The following SLC35F4 variants were observed in gnomAD, a reference collection of about 807,000 sequenced individuals.
SLC35F4 encodes the protein chromosome 14 open reading frame 36.
In SLC35F4, 24 loss-of-function variants were observed where a neutral mutation model predicts 44.2. That is an observed-to-expected ratio of 0.54 (90% CI 0.39 to 0.76). SLC35F4 has a LOEUF of 0.76. SLC35F4 is among the 30% of genes least tolerant of loss of function. The pLI, the probability that SLC35F4 is intolerant of heterozygous loss-of-function variation, is 0.00. For missense variants in SLC35F4, 562 were observed against 586.1 expected (o/e 0.96, Z 0.42); for synonymous variants, 238 against 223.6 (o/e 1.06, Z -0.57).
At chr14:57,797,610 C>T (rs190528578) in intron 1 of SLC35F4, among the ~76,000 whole-genome samples, 4 of 152,160 alleles carry the variant, frequency 2.6e-5, no homozygotes, top group Admixed American at 1.3e-4. Context: ...ATTCTATGCA[C>T]CTAAAACGTA....
At position 57,566,491 on chromosome 14, in the gene SLC35F4, G is replaced by T; in HGVS notation, c.1200C>A (p.Ser400Arg). The T allele has an allele frequency of 6.3e-7, 1 of 1,595,916 alleles. No homozygotes were observed. The highest frequency in any genetic ancestry group is 8.5e-7 in the Non-Finnish European group (1 of 1,171,288). Residue 400 changes from serine (S) to arginine (R), a missense_variant, in exon 7 of 8, where the codon AGC becomes AGA. By Grantham distance (110) the Ser-to-Arg change is moderately radical. Coordinates refer to ENST00000556826, the MANE Select transcript of SLC35F4 (RefSeq NM_001306087.2). ...TGCCTGTACCTGCATTTCCAGGAAC[G>T]CTGAGCACTGTCCCAATGGAGATTA... ...PILISIGTVL[S>R]VPGNAAVDLL...
At chr14:57,603,316 A>G (rs11620977) in intron 1 of SLC35F4, among the ~76,000 whole-genome samples, 108,289 of 152,070 alleles carry the variant, frequency 0.71, 39,292 homozygotes, top group Middle Eastern at 0.8. Context: ...ATCTCAGCCC[A>G]GTTATCAACT....
intron 1 of SLC35F4, among the ~76,000 whole-genome samples, chr14:57,822,996 T>G (rs2140914953): frequency 6.6e-6 from 1 of 152,280 alleles, no homozygotes; most frequent in Middle Eastern, 3.4e-3. Context: ...CTCGAAATTC[T>G]CTGGGGGAAC....
At chr14:57,738,467 GTTCTTGC>G (rs1461420777) in intron 1 of SLC35F4, among the ~76,000 whole-genome samples, 1 of 151,916 alleles carries the variant, frequency 6.6e-6, no homozygotes, top group Non-Finnish European at 1.5e-5. Flanking sequence ...CTGCACATGG[GTTCTTGC>G]TGACCTCAGG....
intron 1 of SLC35F4, among the ~76,000 whole-genome samples, chr14:57,715,173 A>G (rs2075909624): frequency 6.6e-6 from 1 of 152,176 alleles, no homozygotes; most frequent in Non-Finnish European, 1.5e-5. Context: ...AGGGGGAAAA[A>G]AAAGGCAAAT....
At chr14:57,660,152 C>A (rs2074092720) in intron 1 of SLC35F4, among the ~76,000 whole-genome samples, 1 of 152,140 alleles carries the variant, frequency 6.6e-6, no homozygotes, top group South Asian at 2.1e-4. Flanking sequence ...AAATGAGACT[C>A]CACGAGAGGA....
At chr14:57,865,058 A>ACCCCC (rs71104589) in intron 1 of SLC35F4, among the ~76,000 whole-genome samples, 91 of 125,108 alleles carry the variant, frequency 7.3e-4, no homozygotes, top group Non-Finnish European at 1.2e-3. Context: ...CCCTTCTCAG[A>ACCCCC]CCCCCCCCCC....
intron 1 of SLC35F4, among the ~76,000 whole-genome samples, chr14:57,804,514 T>C (rs1881058807): frequency 6.6e-6 from 1 of 152,030 alleles, no homozygotes; most frequent in African/African-American, 2.4e-5. Context: ...AAACAAGCAA[T>C]GGGGAAAGGA....
chr14:57,594,197 A>G, intron 1 of SLC35F4, 73 bp from the exon 2 acceptor site: 1 of 1,396,660 alleles, frequency 7.2e-7, no homozygotes, highest in Non-Finnish European at 9.7e-7. Context: ...TATTTATTTA[A>G]TTATTGTTTG....
chr14:57,791,954 G>C (rs192260671), intron 1 of SLC35F4, among the ~76,000 whole-genome samples: 149 of 151,884 alleles, frequency 9.8e-4, no homozygotes, highest in African/African-American at 3.3e-3. Flanking sequence ...TCACACACTG[G>C]GGCTTGTTGG....
chr14:57,777,773 G>T (rs965855968), intron 1 of SLC35F4, among the ~76,000 whole-genome samples: 1 of 151,964 alleles, frequency 6.6e-6, no homozygotes, highest in African/African-American at 2.4e-5. Flanking sequence ...GGAACTTAAA[G>T]CATAATAATA....
At chr14:57,602,071 A>C (rs965188636) in intron 1 of SLC35F4, among the ~76,000 whole-genome samples, 1 of 152,218 alleles carries the variant, frequency 6.6e-6, no homozygotes, top group Non-Finnish European at 1.5e-5. Context: ...TATTTCCCCA[A>C]ATGCTTAAAT....
chr14:57,746,609 C>T lies in SLC35F4; in HGVS notation c.103+119114G>A, dbSNP rs544710886. ...GGATATCAGTATGTAATTGTTTTTT[C>T]TTGTCATATCTTTGTTAAAAAAAGT... On this transcript the variant is annotated intron_variant, in intron 1 of 7. Coordinates refer to ENST00000556826, the MANE Select transcript of SLC35F4 (RefSeq NM_001306087.2). Among the ~76,000 whole-genome samples, 3 of 151,168 alleles carry T rather than the reference C, an allele frequency of 2.0e-5. No individual in the cohort carries two copies. In the South Asian group the frequency reaches 6.3e-4, roughly 32 times the overall value.
chr14:57,708,826 T>A (rs148065923), intron 1 of SLC35F4, among the ~76,000 whole-genome samples: 3 of 151,798 alleles, frequency 2.0e-5, no homozygotes, highest in African/African-American at 7.3e-5. Context: ...GTGTGAGCCA[T>A]CTCCAATGAT....
chr14:57,573,604 TAC>T lies in SLC35F4; in HGVS notation c.808-1587_808-1586del, dbSNP rs149591557. On this transcript the variant is annotated intron_variant, in intron 4 of 7. Coordinates refer to ENST00000556826, the MANE Select transcript of SLC35F4 (RefSeq NM_001306087.2). ...CTGGATAAAGGTCTAGACTCATCAA[TAC>T]ACACAGTGAGGGGGTTATCTAGACC... 2.8e-3 allele frequency among the ~76,000 whole-genome samples: 425 copies of T among 152,310 alleles called. 3 individuals are homozygous for T. The highest frequency in any genetic ancestry group is 9.5e-3 in the African/African-American group (394 of 41,570).
intron 1 of SLC35F4, among the ~76,000 whole-genome samples, chr14:57,609,095 T>C (rs1428171113): frequency 2.0e-5 from 3 of 152,126 alleles, no homozygotes; most frequent in African/African-American, 7.2e-5. Flanking sequence ...AAGGAGTCGA[T>C]AAACCATCCC....
intron 1 of SLC35F4, among the ~76,000 whole-genome samples, chr14:57,615,387 C>T (rs2071755130): frequency 6.6e-6 from 1 of 150,640 alleles, no homozygotes; most frequent in Non-Finnish European, 1.5e-5. Flanking sequence ...CACTTCATTT[C>T]TTCATTGTTA....
At chr14:57,884,220 A>C (rs1888599248) in intron 1 of SLC35F4, among the ~76,000 whole-genome samples, 1 of 152,230 alleles carries the variant, frequency 6.6e-6, no homozygotes, top group African/African-American at 2.4e-5. Flanking sequence ...AAATCCAATT[A>C]GACAAAACCG....
In SLC35F4 at chr14:57,633,671, G is replaced by A. The variant is rs543936282; in HGVS notation, c.104-39547C>T. Among the ~76,000 whole-genome samples, 13 of 152,044 alleles carry A rather than the reference G, an allele frequency of 8.6e-5. No homozygotes were observed. In the East Asian group the frequency reaches 1.6e-3, roughly 18 times the overall value. Reference sequence around the variant, plus strand: ...TTTCATCACCCCCAAACTCTCTCACGCTTTCCCTTTTTAGTCTCCCTCCTC... The same window carrying A: ...TTTCATCACCCCCAAACTCTCTCACACTTTCCCTTTTTAGTCTCCCTCCTC... On this transcript the variant is annotated intron_variant, in intron 1 of 7. Transcript: ENST00000556826.
Sources: allele counts gnomAD v4.1 joint callset (sites outside exome capture counted in the v4.1 genomes callset), GRCh38; gene constraint gnomAD v4.1.1; transcripts MANE v1.5; gene names NCBI Gene and HGNC (gene_info 2026-07-23, HGNC 2026-07-21).